The following PDS5B variants were observed in gnomAD, a reference collection of about 807,000 sequenced individuals.
The protein encoded by PDS5B is sister chromatid cohesion protein PDS5 homolog B.
In PDS5B, 51 loss-of-function variants were observed where a neutral mutation model predicts 184.1. That is an observed-to-expected ratio of 0.28 (90% CI 0.22 to 0.35). The LOEUF (loss-of-function observed/expected upper bound fraction) is 0.35. Ranked by LOEUF, PDS5B falls within the 10% of genes least tolerant of loss-of-function variation. The probability of loss-of-function intolerance (pLI) is 1.00; values close to 1 mark genes in which losing one functional copy is unlikely to be tolerated. For synonymous variants in PDS5B, 566 were observed against 569.2 expected, an observed-to-expected ratio of 0.99 and a Z score of 0.08; for missense variants, 1,180 against 1,723.3, an observed-to-expected ratio of 0.68 and a Z score of 5.58.
chr13:32,728,101 A>G (rs1952972202), intron 19 of PDS5B, among the ~76,000 whole-genome samples: 1 of 149,068 alleles, frequency 6.7e-6, no homozygotes, highest in Non-Finnish European at 1.5e-5. Context: ...TTCCATTTCT[A>G]TTGTATTTCT....
chr13:32,756,281 C>T (rs1184011661), intron 26 of PDS5B, among the ~76,000 whole-genome samples: 1 of 151,026 alleles, frequency 6.6e-6, no homozygotes, highest in Non-Finnish European at 1.5e-5. Context: ...TGTAGATTTT[C>T]ATGTGAGGTC....
At chr13:32,600,181 T>C (rs1282238849) in intron 1 of PDS5B, among the ~76,000 whole-genome samples, 3 of 152,222 alleles carry the variant, frequency 2.0e-5, no homozygotes, top group African/African-American at 7.2e-5. Flanking sequence ...TTTAAGTCTT[T>C]GAATGTATTC....
At position 32,735,203 on chromosome 13, in the gene PDS5B, T is replaced by A; in HGVS notation, c.2279T>A (p.Leu760Gln). The change falls in exon 21 of 35, where the codon CTG becomes CAG. Residue 760 changes from leucine (L) to glutamine (Q), a missense_variant. By Grantham distance (113) the Leu-to-Gln change is moderately radical. Coordinates refer to ENST00000315596, the MANE Select transcript of PDS5B (RefSeq NM_015032.4). ...CATAAGAGCCTAGATCCAAGCAACCTGGAACATCTCATAACACCATTGGTT... is the reference window on the plus strand; with the variant it reads ...CATAAGAGCCTAGATCCAAGCAACCAGGAACATCTCATAACACCATTGGTT... ...PLHKSLDPSN[L>Q]EHLITPLVTI... 1 of 1,607,814 alleles carries A rather than the reference T, an allele frequency of 6.2e-7. No individual in the cohort carries two copies. Among genetic ancestry groups the A allele is most frequent in the East Asian group, 2.2e-5 (1 of 44,662 alleles).
chr13:32,613,959 A>T (rs1391378384), intron 1 of PDS5B, among the ~76,000 whole-genome samples: 1 of 152,182 alleles, frequency 6.6e-6, no homozygotes, highest in Non-Finnish European at 1.5e-5. Context: ...GCGTGTTGAT[A>T]ACCTGTTCTG....
intron 1 of PDS5B, among the ~76,000 whole-genome samples, chr13:32,598,726 T>C (rs1226547307): frequency 6.6e-6 from 1 of 151,904 alleles, no homozygotes; most frequent in Non-Finnish European, 1.5e-5. Context: ...TTCAAGGATA[T>C]TTTTGCTGGA....
intron 3 of PDS5B, 75 bp downstream of exon 3, chr13:32,652,082 G>A (rs1322607211): frequency 2.1e-6 from 2 of 949,628 alleles, no homozygotes; most frequent in Admixed American, 3.5e-5. Flanking sequence ...GGGAGTTAAG[G>A]TATTTAGATG....
At chr13:32,627,636 T>C (rs2058390152) in intron 1 of PDS5B, among the ~76,000 whole-genome samples, 1 of 152,236 alleles carries the variant, frequency 6.6e-6, no homozygotes, top group African/African-American at 2.4e-5. Flanking sequence ...AAAATTAATT[T>C]GCAAATTAGT....
intron 1 of PDS5B, among the ~76,000 whole-genome samples, chr13:32,600,253 T>G (rs1008013578): frequency 6.6e-5 from 10 of 152,204 alleles, no homozygotes; most frequent in African/African-American, 2.4e-4. Context: ...TTTTGACTCT[T>G]TTTTCCCCCT....
intron 8 of PDS5B, among the ~76,000 whole-genome samples, chr13:32,673,934 G>C (rs1201781881): frequency 7.0e-6 from 1 of 143,336 alleles, no homozygotes; most frequent in African/African-American, 2.6e-5. Context: ...TTCCACCTCA[G>C]CCTCCCAAGT....
intron 9 of PDS5B, 61 bp downstream of exon 9, chr13:32,676,020 G>T: frequency 1.1e-6 from 1 of 890,694 alleles, no homozygotes; most frequent in South Asian, 1.5e-5. Flanking sequence ...GTTTTTTTAA[G>T]AAACATTATC....
At chr13:32,666,164 T>C (rs1428918084) in intron 6 of PDS5B, among the ~76,000 whole-genome samples, 1 of 152,220 alleles carries the variant, frequency 6.6e-6, no homozygotes, top group African/African-American at 2.4e-5. Flanking sequence ...CACTGCAACC[T>C]CTGCCTCCCA....
intron 33 of PDS5B, 51 bp from the exon 34 acceptor site, chr13:32,773,138 T>A (rs1954845684): frequency 6.7e-7 from 1 of 1,494,746 alleles, no homozygotes; most frequent in Admixed American, 2.2e-5. Context: ...AACGAGGTAA[T>A]CTACTGAAAG....
chr13:32,677,678 C>CTT (rs986905908), intron 9 of PDS5B, among the ~76,000 whole-genome samples: 4 of 148,054 alleles, frequency 2.7e-5, no homozygotes, highest in Non-Finnish European at 6.0e-5. Context: ...AGAGCATATG[C>CTT]TTTTTTTTTT....
intron 6 of PDS5B, among the ~76,000 whole-genome samples, chr13:32,664,680 A>G (rs1436379754): frequency 6.6e-6 from 1 of 152,116 alleles, no homozygotes; most frequent in Non-Finnish European, 1.5e-5. Flanking sequence ...CCTGAACAAC[A>G]TGGCAAAACC....
chr13:32,764,394 AT>A (rs1954516168), intron 30 of PDS5B, 94 bp from the exon 31 acceptor site: 1 of 653,020 alleles, frequency 1.5e-6, no homozygotes, highest in African/African-American at 1.9e-5. Flanking sequence ...AAAGAACGAA[AT>A]TTTTTCCATA....
intron 6 of PDS5B, among the ~76,000 whole-genome samples, chr13:32,663,185 G>A (rs1030883466): frequency 1.6e-4 from 25 of 151,948 alleles, no homozygotes; most frequent in Non-Finnish European, 1.0e-4. Flanking sequence ...CTGTAAACCC[G>A]TTACCAGGGA....
At chr13:32,726,841 A>C (rs2140939377) in intron 19 of PDS5B, among the ~76,000 whole-genome samples, 1 of 152,298 alleles carries the variant, frequency 6.6e-6, no homozygotes, top group Non-Finnish European at 1.5e-5. Context: ...ACTTGAGCCC[A>C]GGAGTTTCAG....
At chr13:32,743,284 T>C (rs554830075) in intron 23 of PDS5B, among the ~76,000 whole-genome samples, 1 of 150,302 alleles carries the variant, frequency 6.7e-6, no homozygotes, top group African/African-American at 2.5e-5. Context: ...CTTCAGTAAG[T>C]TGCTTTAACT....
At chr13:32,611,694 A>G (rs545365185) in intron 1 of PDS5B, among the ~76,000 whole-genome samples, 1 of 151,650 alleles carries the variant, frequency 6.6e-6, no homozygotes, top group South Asian at 2.1e-4. Context: ...TTTTTTGTAG[A>G]TACGGGGTTT....
Sources: allele counts gnomAD v4.1 joint callset (sites outside exome capture counted in the v4.1 genomes callset), GRCh38; gene constraint gnomAD v4.1.1; transcripts MANE v1.5; gene names NCBI Gene and HGNC (gene_info 2026-07-23, HGNC 2026-07-21).